LIN28B: variants seen among roughly 807,000 people sequenced by gnomAD.
LIN28B encodes the protein protein lin-28 homolog B.
Under a neutral mutation model 21.9 loss-of-function variants are expected in LIN28B, and 5 were observed. The observed-to-expected ratio is 0.23, with a 90% confidence interval of 0.12 to 0.48. The LOEUF (loss-of-function observed/expected upper bound fraction) is 0.48. Among genes scored for constraint, LIN28B ranks in the 20% least tolerant of loss-of-function variants. The probability of loss-of-function intolerance (pLI) is 0.98; values close to 1 mark genes in which losing one functional copy is unlikely to be tolerated. For synonymous variants in LIN28B, 109 were observed against 111.3 expected (o/e 0.98, Z 0.13); for missense variants, 245 against 310.5 (o/e 0.79, Z 1.58).
At chr6:104,989,585 T>TC (rs1562083371) in intron 2 of LIN28B, among the ~76,000 whole-genome samples, 2 of 109,406 alleles carry the variant, frequency 1.8e-5, no homozygotes, top group Non-Finnish European at 3.8e-5. Context: ...GGTTTTTTTT[T>TC]TTTTTTTTTT....
At chr6:105,031,165 G>A (rs1425089559) in intron 3 of LIN28B, among the ~76,000 whole-genome samples, 1 of 151,620 alleles carries the variant, frequency 6.6e-6, no homozygotes, top group Non-Finnish European at 1.5e-5. Flanking sequence ...TATTATATTA[G>A]TCTGAACCAT....
chr6:105,024,137 C>T (rs771929743), intron 2 of LIN28B, among the ~76,000 whole-genome samples: 2 of 151,906 alleles, frequency 1.3e-5, no homozygotes, highest in Admixed American at 6.6e-5. Flanking sequence ...TACAGGCGAG[C>T]GCCACCACAC....
intron 3 of LIN28B, among the ~76,000 whole-genome samples, chr6:105,030,142 C>A (rs926903391): frequency 3.3e-5 from 5 of 152,124 alleles, no homozygotes; most frequent in African/African-American, 1.2e-4. Context: ...ATTAGCAATT[C>A]CAGTTTTCCA....
upstream of LIN28B, among the ~76,000 whole-genome samples, chr6:104,953,834 T>C (rs1437867601): frequency 6.6e-6 from 1 of 152,194 alleles, no homozygotes; most frequent in African/African-American, 2.4e-5. Flanking sequence ...CTTGCCGCAT[T>C]GCCACAGCCC....
intron 3 of LIN28B, among the ~76,000 whole-genome samples, chr6:105,043,588 G>GT (rs557033563): frequency 0.024 from 3,362 of 140,610 alleles, 36 homozygotes; most frequent in Non-Finnish European, 0.034. Flanking sequence ...TTTGTTTATG[G>GT]TTTTTTTTTT....
chr6:104,974,087 A>T (rs1770032622), intron 2 of LIN28B, among the ~76,000 whole-genome samples: 1 of 152,240 alleles, frequency 6.6e-6, no homozygotes, highest in South Asian at 2.1e-4. Context: ...CTCATAAAAT[A>T]GGCTAATAAT....
intron 2 of LIN28B, among the ~76,000 whole-genome samples, chr6:104,995,944 A>G (rs1216781649): frequency 6.7e-6 from 1 of 150,118 alleles, no homozygotes; most frequent in Non-Finnish European, 1.5e-5. Context: ...ATATTTAAAA[A>G]TTATTTTAAA....
chr6:105,037,092 T>C (rs930622781), intron 3 of LIN28B, among the ~76,000 whole-genome samples: 2 of 152,344 alleles, frequency 1.3e-5, no homozygotes, highest in Non-Finnish European at 2.9e-5. Flanking sequence ...ATCTGCTAAC[T>C]ATGACATCCA....
intron 2 of LIN28B, among the ~76,000 whole-genome samples, chr6:105,001,838 T>C (rs1046649450): frequency 3.3e-5 from 5 of 152,214 alleles, no homozygotes; most frequent in Admixed American, 1.3e-4. Flanking sequence ...AAACTCGATC[T>C]CTAGCTGGAA....
intron 2 of LIN28B, among the ~76,000 whole-genome samples, chr6:104,987,425 C>T (rs1396912985): frequency 6.6e-6 from 1 of 152,086 alleles, no homozygotes; most frequent in Non-Finnish European, 1.5e-5. Flanking sequence ...AGTGGTGCAA[C>T]CTCAAACTCT....
At chr6:104,964,859 A>G (rs949724996) in intron 2 of LIN28B, among the ~76,000 whole-genome samples, 1 of 152,188 alleles carries the variant, frequency 6.6e-6, no homozygotes, top group African/African-American at 2.4e-5. Flanking sequence ...ATATTTGACA[A>G]TTTGGAAATA....
intron 2 of LIN28B, among the ~76,000 whole-genome samples, chr6:105,001,432 G>T (rs1770718417): frequency 6.6e-6 from 1 of 152,154 alleles, no homozygotes; most frequent in Non-Finnish European, 1.5e-5. Context: ...CGACCTTGTG[G>T]GTCTTCTCAG....
At chr6:105,026,994 T>C (rs1771299259) in intron 3 of LIN28B, among the ~76,000 whole-genome samples, 2 of 152,124 alleles carry the variant, frequency 1.3e-5, no homozygotes, top group Admixed American at 1.3e-4. Context: ...TTATAGAATA[T>C]TTCATGTCAA....
chr6:105,047,371 G>A (rs903800497), intron 3 of LIN28B, among the ~76,000 whole-genome samples: 3 of 151,916 alleles, frequency 2.0e-5, no homozygotes, highest in African/African-American at 4.8e-5. Context: ...TGTTCCATTG[G>A]TCTGTATCCC....
chr6:104,956,539 C>G (rs555528572), upstream of LIN28B, among the ~76,000 whole-genome samples: 188 of 152,256 alleles, frequency 1.2e-3, no homozygotes, highest in African/African-American at 4.2e-3. Flanking sequence ...TTATGTGCCT[C>G]TGCCTTTTCC....
chr6:105,045,284 G>GTT (rs57205680), intron 3 of LIN28B, among the ~76,000 whole-genome samples: 2,238 of 116,776 alleles, frequency 0.019, 136 homozygotes, highest in African/African-American at 0.068. Flanking sequence ...ATGTCATTCT[G>GTT]TTTTTTTTTT....
intron 2 of LIN28B, among the ~76,000 whole-genome samples, chr6:105,010,779 G>A (rs1001646063): frequency 6.6e-6 from 1 of 152,114 alleles, no homozygotes; most frequent in African/African-American, 2.4e-5. Context: ...TATGACACAT[G>A]TCTACCCTTT....
chr6:104,996,709 A>T (rs1770613327), intron 2 of LIN28B, among the ~76,000 whole-genome samples: 1 of 152,208 alleles, frequency 6.6e-6, no homozygotes, highest in Admixed American at 6.5e-5. Context: ...TAGATTCCTT[A>T]ACCAGGTTGT....
At chr6:104,974,274 A>G (rs938705219) in intron 2 of LIN28B, among the ~76,000 whole-genome samples, 1 of 152,040 alleles carries the variant, frequency 6.6e-6, no homozygotes. Flanking sequence ...GCAGATCACC[A>G]TGTCAGGAGT....
Sources: allele counts gnomAD v4.1 joint callset (sites outside exome capture counted in the v4.1 genomes callset), GRCh38; gene constraint gnomAD v4.1.1; transcripts MANE v1.5; gene names NCBI Gene and HGNC (gene_info 2026-07-23, HGNC 2026-07-21).